NUDT12: variants seen among roughly 807,000 people sequenced by gnomAD.
NUDT12 encodes NAD-capped RNA hydrolase NUDT12.
NUDT12 carries 42 observed loss-of-function variants against 45.7 expected under a neutral mutation model. That is an observed-to-expected ratio of 0.92 (90% CI 0.72 to 1.19). The LOEUF (loss-of-function observed/expected upper bound fraction) is 1.19. NUDT12 is among the 50% of genes most tolerant of loss of function. NUDT12 has a pLI of 0.00. For synonymous variants in NUDT12, 206 were observed against 179.7 expected (o/e 1.15, Z -1.17); for missense variants, 590 against 533.1 (o/e 1.11, Z -1.05).
intron 1 of NUDT12, among the ~76,000 whole-genome samples, chr5:103,561,150 ATTC>A (rs1223512778): frequency 6.6e-6 from 1 of 151,682 alleles, no homozygotes; most frequent in Non-Finnish European, 1.5e-5. Context: ...TTAAGGTATA[ATTC>A]TTCTTTCTAT....
Position 103,552,354 on chromosome 5 carries a change from G to C in NUDT12, c.1141C>G (p.His381Asp), listed in dbSNP as rs1156610146. 11 of 1,613,770 alleles carry C rather than the reference G, an allele frequency of 6.8e-6. No homozygotes were observed. The highest frequency in any genetic ancestry group is 1.7e-5 in the Admixed American group (1 of 59,910). Residue 381 changes from histidine (H) to aspartate (D), a missense_variant, in exon 6 of 7, where the codon CAT (histidine) becomes GAT (aspartate). Transcript: ENST00000230792. ...GGTTGACAAGCAACATACTGAACATGGCCAACTTTGACTCCACTTTCCTCT... is the reference window on the plus strand; with the variant it reads ...GGTTGACAAGCAACATACTGAACATCGCCAACTTTGACTCCACTTTCCTCT... ...VEEESGVKVG[H>D]VQYVACQPWP...
chr5:103,562,279 GA>G, intron 1 of NUDT12, among the ~76,000 whole-genome samples: 1 of 152,256 alleles, frequency 6.6e-6, no homozygotes, highest in East Asian at 1.9e-4. Flanking sequence ...CTCTGTCACT[GA>G]AATCACTGAC....
At chr5:103,552,478 G>T in intron 5 of NUDT12, 62 bp from the exon 6 acceptor site, 1 of 1,287,514 alleles carries the variant, frequency 7.8e-7, no homozygotes, top group Non-Finnish European at 1.1e-6. Flanking sequence ...TTTGTGTCCT[G>T]AATGGTTCAA....
At chr5:103,558,233 A>G (rs1308785389) in intron 3 of NUDT12, among the ~76,000 whole-genome samples, 1 of 152,010 alleles carries the variant, frequency 6.6e-6, no homozygotes, top group African/African-American at 2.4e-5. Context: ...TCTCTCACTT[A>G]TAAGGGTCTC....
chr5:103,560,810 T>C (rs577464771), intron 1 of NUDT12, among the ~76,000 whole-genome samples: 2 of 152,328 alleles, frequency 1.3e-5, no homozygotes, highest in African/African-American at 2.4e-5. Context: ...ATTACCATCT[T>C]TGTCCTACTA....
chr5:103,554,211 C>T (rs1748741028), intron 5 of NUDT12, among the ~76,000 whole-genome samples: 1 of 152,034 alleles, frequency 6.6e-6, no homozygotes, highest in Non-Finnish European at 1.5e-5. Context: ...GTTTCAGATA[C>T]AGCAGTGGAT....
chr5:103,555,902 G>C, intron 4 of NUDT12, 29 bp downstream of exon 4: 1 of 1,431,988 alleles, frequency 7.0e-7, no homozygotes, highest in Non-Finnish European at 9.2e-7. Context: ...CAAGATCCAG[G>C]TGGCTGAGAT....
At position 103,558,865 on chromosome 5, in the gene NUDT12, C is replaced by A; in HGVS notation, c.796+14G>T. Reference sequence around the variant, plus strand: ...ACCAGATTTTACCAATGAAAAGCAGCATTCATTTCTTACCAGCTTCTTTTT... The same window carrying A: ...ACCAGATTTTACCAATGAAAAGCAGAATTCATTTCTTACCAGCTTCTTTTT... On this transcript the variant is annotated intron_variant, in intron 3 of 6. Transcript: ENST00000230792. 2 of 1,508,260 alleles carry A rather than the reference C, an allele frequency of 1.3e-6. No homozygotes were observed. Among genetic ancestry groups the A allele is most frequent in the Admixed American group, 2.2e-5 (1 of 44,678 alleles). The allele number at this position is 1,508,260 out of a possible 1,614,324, so 93.4% of individuals were successfully genotyped here. A position where few individuals can be genotyped will look rare whatever the true frequency, so the allele number is the denominator to read the frequency against.
rs921364091 is a variant in NUDT12 at position 103,549,303 on chromosome 5, A to T, written c.*1558T>A. The T allele has an allele frequency of 7.9e-5, 12 of 152,024 alleles. No individual in the cohort carries two copies. The highest frequency in any genetic ancestry group is 2.4e-4 in the African/African-American group (10 of 41,438). 9.4% of individuals were successfully genotyped at this position (152,024 alleles called of 1,614,324 possible). A position where few individuals can be genotyped will look rare whatever the true frequency, so the allele number is the denominator to read the frequency against. On this transcript the variant is annotated 3_prime_UTR_variant, in exon 7 of 7. Coordinates refer to ENST00000230792, the MANE Select transcript of NUDT12 (RefSeq NM_031438.4). Reference sequence around the variant, plus strand: ...TCCTCTGTCAGTTTTAATTTGGTTTAAATTCTTGATACCAATAAGCCTTCA... The same window carrying T: ...TCCTCTGTCAGTTTTAATTTGGTTTTAATTCTTGATACCAATAAGCCTTCA...
intron 1 of NUDT12, among the ~76,000 whole-genome samples, chr5:103,562,151 T>A (rs1749051923): frequency 6.6e-6 from 1 of 152,186 alleles, no homozygotes; most frequent in African/African-American, 2.4e-5. Context: ...ATATTAGATG[T>A]AAAGGGACAT....
intron 1 of NUDT12, 135 bp from the exon 2 acceptor site, chr5:103,560,389 C>T (rs1748996762): frequency 1.6e-6 from 1 of 623,644 alleles, no homozygotes; most frequent in Non-Finnish European, 2.9e-6. Context: ...AATCCTTAAA[C>T]AGCATACATT....
In NUDT12 at chr5:103,562,781, T is replaced by A. The variant is rs1377833598; in HGVS notation, c.-85A>T. On this transcript the variant is annotated 5_prime_UTR_variant, in exon 1 of 7. Coordinates refer to ENST00000230792, the MANE Select transcript of NUDT12 (RefSeq NM_031438.4). The stretch of plus-strand genomic sequence containing the variant: ...CCCACTCGCTTTTCCTGGAGCCGGA[T>A]GCAGTCTTCCCGACTTCCGGTGGAG... The A allele has an allele frequency of 3.1e-5, 3 of 96,292 alleles. No individual in the cohort carries two copies. The highest frequency in any genetic ancestry group is 1.1e-4 in the African/African-American group (3 of 26,612). 6.0% of individuals were successfully genotyped at this position (96,292 alleles called of 1,614,324 possible).
chr5:103,561,108 A>T (rs1029966273), intron 1 of NUDT12, among the ~76,000 whole-genome samples: 6 of 150,786 alleles, frequency 4.0e-5, no homozygotes, highest in African/African-American at 1.5e-4. Context: ...TTCATGATTC[A>T]ACTGTCTGTG....
intron 3 of NUDT12, among the ~76,000 whole-genome samples, chr5:103,556,532 A>C (rs1748828222): frequency 6.6e-6 from 1 of 152,090 alleles, no homozygotes; most frequent in Admixed American, 6.6e-5. Context: ...GTAGGAGGCT[A>C]TCACCACTCT....
rs201077969 is a variant in NUDT12 at position 103,559,119 on chromosome 5, C to T, written c.556G>A (p.Asp186Asn). The stretch of plus-strand genomic sequence containing the variant: ...ATCTTCTCAGGCTGGGCCAAATAAT[C>T]CTTTATATCTGTGTAGTTCAGCTGA... The part of the protein sequence containing the change: ...LCQLNYTDIK[D>N]YLAQPEKITL... Residue 186 changes from aspartate (D) to asparagine (N), a missense_variant, in exon 3 of 7, where the codon GAT (aspartate) becomes AAT (asparagine). Asp to Asn is a conservative substitution (Grantham distance 23, BLOSUM62 1). Transcript: ENST00000230792. 374 of 1,604,218 alleles carry T rather than the reference C, an allele frequency of 2.3e-4. No individual in the cohort carries two copies. The highest frequency in any genetic ancestry group is 2.6e-4 in the Non-Finnish European group (300 of 1,176,044).
Position 103,555,924 on chromosome 5 carries a change from G to T in NUDT12, c.964+7C>A. ...CAGGTGGCTGAGATATAAAATAAAG[G>T]GCTTACCAACTCTTGGGTATGAGGT... On this transcript the variant is annotated splice_region_variant and intron_variant, in intron 4 of 6. Transcript: ENST00000230792. The T allele has an allele frequency of 6.6e-7, 1 of 1,522,068 alleles. No homozygotes were observed. The highest frequency in any genetic ancestry group is 8.8e-7 in the Non-Finnish European group (1 of 1,134,010). The allele number at this position is 1,522,068 out of a possible 1,614,324, so 94.3% of individuals were successfully genotyped here.
chr5:103,553,310 G>T (rs1020781698), intron 5 of NUDT12, among the ~76,000 whole-genome samples: 2 of 151,786 alleles, frequency 1.3e-5, no homozygotes. Context: ...GATAAACAAT[G>T]AAAACAAAAC....
In NUDT12 at chr5:103,550,934, A is replaced by G; in HGVS notation, c.1316T>C (p.Phe439Ser). The change falls in exon 7 of 7, where the codon TTC (phenylalanine) becomes TCC (serine). Residue 439 changes from phenylalanine to serine, a missense_variant. Transcript: ENST00000230792. The part of the protein sequence containing the change: ...DVLTKGKQQA[F>S]FVPPSRAIAH... ...AATAGCTCGGCTTGGTGGCACAAAGAATGCCTGCTGCTTCCCTTTGGTCAG... is the reference window on the plus strand; with the variant it reads ...AATAGCTCGGCTTGGTGGCACAAAGGATGCCTGCTGCTTCCCTTTGGTCAG... 1 of 1,613,832 alleles carries G rather than the reference A, an allele frequency of 6.2e-7. No individual in the cohort carries two copies. Among genetic ancestry groups the G allele is most frequent in the Non-Finnish European group, 8.5e-7 (1 of 1,179,842 alleles).
intron 3 of NUDT12, among the ~76,000 whole-genome samples, chr5:103,556,604 A>G (rs1483975251): frequency 1.3e-5 from 2 of 152,132 alleles, no homozygotes; most frequent in Non-Finnish European, 2.9e-5. Flanking sequence ...TCAACTGGAG[A>G]CTGCATGTAC....
Sources: gnomAD v4.1 joint callset for allele counts (sites outside exome capture counted in the v4.1 genomes callset) on GRCh38, gnomAD v4.1.1 for gene constraint, MANE v1.5 for transcripts, NCBI Gene and HGNC (gene_info 2026-07-23, HGNC 2026-07-21) for gene names.